The following MYOCD variants were observed in gnomAD, a reference collection of about 807,000 sequenced individuals.
MYOCD encodes the protein myocardin.
Under a neutral mutation model 96.1 loss-of-function variants are expected in MYOCD, and 32 were observed. The observed-to-expected ratio is 0.33, with a 90% CI of 0.25 to 0.45. MYOCD has a LOEUF of 0.45. MYOCD is among the 20% of genes least tolerant of loss of function. MYOCD has a pLI of 1.00. For synonymous variants in MYOCD, 469 were observed against 469.0 expected, an observed-to-expected ratio of 1.00 and a Z score of 0.00; for missense variants, 1,133 against 1,200.6, an observed-to-expected ratio of 0.94 and a Z score of 0.83.
chr17:12,739,288 G>T lies in MYOCD; in HGVS notation c.677G>T (p.Gly226Val). ...TCAGATGCGGGGAAGCAGGGGCTTG[G>T]CCCCCCCAGCACCCCCATAGCCGTG... is the stretch of plus-strand genomic sequence containing the variant. ...HQSDAGKQGL[G>V]PPSTPIAVHA... Residue 226 changes from glycine (G) to valine (V), a missense_variant, in exon 7 of 14, where the codon GGC becomes GTC. Gly to Val is a moderately radical substitution (Grantham distance 109). Coordinates refer to ENST00000425538, the MANE Select transcript of MYOCD (RefSeq NM_001146312.3). 1 of 1,608,130 alleles carries T rather than the reference G, an allele frequency of 6.2e-7. No homozygotes were observed. Among genetic ancestry groups the T allele is most frequent in the Non-Finnish European group, 8.5e-7 (1 of 1,177,602 alleles).
intron 6 of MYOCD, among the ~76,000 whole-genome samples, 191 bp from the exon 7 acceptor site, chr17:12,739,012 C>CAT (rs1385750533): frequency 6.6e-6 from 1 of 151,914 alleles, no homozygotes; most frequent in East Asian, 1.9e-4. Flanking sequence ...TACACATGTA[C>CAT]ATATATATAC....
chr17:12,734,438 C>T (rs2032277047), intron 5 of MYOCD, among the ~76,000 whole-genome samples: 1 of 151,314 alleles, frequency 6.6e-6, no homozygotes, highest in African/African-American at 2.4e-5. Context: ...AACACTTAAC[C>T]CCCTAACCCC....
At chr17:12,741,223 C>G (rs1345283499) in intron 7 of MYOCD, among the ~76,000 whole-genome samples, 4 of 152,282 alleles carry the variant, frequency 2.6e-5, no homozygotes, top group African/African-American at 9.6e-5. Flanking sequence ...CAATAAGGCT[C>G]CCCCACCAAA....
rs4054959 is a variant in MYOCD, at chr17:12,714,323, G to GCACACACACACACACACACACACA, written c.122-1180_122-1157dup. 1.6e-3 allele frequency among the ~76,000 whole-genome samples: 222 copies of GCACACACACACACACACACACACA among 136,124 alleles called. 2 individuals carry two copies. Among genetic ancestry groups the GCACACACACACACACACACACACA allele is most frequent in the Non-Finnish European group, 2.2e-3 (140 of 64,466 alleles). The allele number at this position is 136,124 out of a possible 152,430, so 89.3% of individuals were successfully genotyped here. A position where few individuals can be genotyped will look rare whatever the true frequency, so the allele number is the denominator to read the frequency against. Reference sequence around the variant, plus strand: ...GTCTTAAGGGTTGAATGAGGCACGTGCACACACACACACACACACACACAC... The same window carrying GCACACACACACACACACACACACA: ...GTCTTAAGGGTTGAATGAGGCACGTGCACACACACACACACACACACACACACACACACACACACACACACACAC... On this transcript the variant is annotated intron_variant, in intron 2 of 13. Transcript: ENST00000425538.
chr17:12,751,608 G>A (rs997802746), intron 9 of MYOCD, among the ~76,000 whole-genome samples: 1 of 152,136 alleles, frequency 6.6e-6, no homozygotes, highest in African/African-American at 2.4e-5. Context: ...ACTATTCCAA[G>A]TGCTTTATAC....
chr17:12,755,511 A>C (rs1388749472), intron 10 of MYOCD, among the ~76,000 whole-genome samples: 1 of 151,976 alleles, frequency 6.6e-6, no homozygotes, highest in African/African-American at 2.4e-5. Context: ...TTGGAGGCCA[A>C]GCGAGTGGAT....
rs2032339278 is a variant in MYOCD at position 12,736,267 on chromosome 17, C to T, written c.522C>T (p.Asn174=). The change falls in exon 6 of 14, where the codon AAC becomes AAT. Residue 174 remains asparagine, a synonymous_variant. Coordinates refer to ENST00000425538, the MANE Select transcript of MYOCD (RefSeq NM_001146312.3). ...AGACTCGAAGTGAAGACCCCCAAAA[C>T]TCAGCGGGATCCCCGCCAGACGCTA... ...PDQTRSEDPQ[N]SAGSPPDAKA... is the part of the protein sequence containing the mutation. The T allele has an allele frequency of 1.2e-5, 20 of 1,614,098 alleles. No homozygotes were observed. Among genetic ancestry groups the T allele is most frequent in the Non-Finnish European group, 1.7e-5 (20 of 1,180,040 alleles).
intron 3 of MYOCD, among the ~76,000 whole-genome samples, chr17:12,716,853 G>T (rs931403297): frequency 1.3e-5 from 2 of 151,846 alleles, no homozygotes; most frequent in African/African-American, 4.8e-5. Flanking sequence ...AGCTGGGTTT[G>T]GTGATGCATG....
chr17:12,692,255 G>T (rs570469264), intron 1 of MYOCD, among the ~76,000 whole-genome samples: 80 of 152,214 alleles, frequency 5.3e-4, no homozygotes, highest in Non-Finnish European at 9.6e-4. Flanking sequence ...GTATATGCTT[G>T]CATTCGCATC....
At chr17:12,719,137 C>A (rs74388220) in intron 4 of MYOCD, among the ~76,000 whole-genome samples, 1 of 136,364 alleles carries the variant, frequency 7.3e-6, no homozygotes, top group African/African-American at 2.8e-5. Context: ...ATCGCGCCAC[C>A]GCACTCCAGC....
intron 1 of MYOCD, among the ~76,000 whole-genome samples, chr17:12,670,634 A>G (rs1176187625): frequency 6.6e-6 from 1 of 152,206 alleles, no homozygotes; most frequent in Non-Finnish European, 1.5e-5. Flanking sequence ...CATGATATGT[A>G]ATATTTATGT....
intron 1 of MYOCD, among the ~76,000 whole-genome samples, chr17:12,694,633 C>G (rs1301563336): frequency 6.6e-6 from 1 of 152,102 alleles, no homozygotes; most frequent in African/African-American, 2.4e-5. Context: ...AATGGGCAAC[C>G]TGGTCATACT....
intron 1 of MYOCD, among the ~76,000 whole-genome samples, chr17:12,674,122 A>G (rs531786204): frequency 1.6e-4 from 25 of 152,236 alleles, no homozygotes; most frequent in African/African-American, 5.5e-4. Context: ...GATTATTCCT[A>G]TCTTAGAGAT....
In MYOCD at chr17:12,767,921, G is replaced by A. The variant is rs914972409; in HGVS notation, c.*4277G>A. 6.6e-6 allele frequency: 1 copy of A among 152,048 alleles called. No homozygotes were observed. Among genetic ancestry groups the A allele is most frequent in the African/African-American group, 2.4e-5 (1 of 41,392 alleles). The allele number at this position is 152,048 out of a possible 1,614,324, so 9.4% of individuals were successfully genotyped here. On this transcript the variant is annotated 3_prime_UTR_variant, in exon 14 of 14. Transcript: ENST00000425538. ...AGGGACACTTACTGGTGAGCCTCTG[G>A]CCCTTAAAAGAAAATCATCTAAGAA...
intron 1 of MYOCD, among the ~76,000 whole-genome samples, chr17:12,687,716 C>G (rs74430425): frequency 0.015 from 2,298 of 152,190 alleles, 18 homozygotes; most frequent in South Asian, 0.025. Context: ...CATTCTTTGG[C>G]GCTGAAGAGG....
At chr17:12,713,623 G>A (rs866357112) in intron 2 of MYOCD, among the ~76,000 whole-genome samples, 19 of 152,210 alleles carry the variant, frequency 1.2e-4, no homozygotes, top group Non-Finnish European at 1.6e-4. Context: ...AGATAGGACA[G>A]AGGTATTGAT....
At chr17:12,746,326 C>A (rs1326061465) in intron 9 of MYOCD, among the ~76,000 whole-genome samples, 3 of 152,204 alleles carry the variant, frequency 2.0e-5, no homozygotes, top group Admixed American at 6.5e-5. Context: ...TCTCACAGTT[C>A]TAGAACTGAG....
At chr17:12,689,521 G>C (rs1329278219) in intron 1 of MYOCD, among the ~76,000 whole-genome samples, 2 of 152,154 alleles carry the variant, frequency 1.3e-5, no homozygotes. Flanking sequence ...AGAAATGAAT[G>C]ATATTAGAAC....
intron 1 of MYOCD, among the ~76,000 whole-genome samples, chr17:12,677,670 C>A (rs867187869): frequency 8.6e-5 from 13 of 151,184 alleles, no homozygotes; most frequent in Middle Eastern, 3.2e-3. Flanking sequence ...CGAGATCACG[C>A]CACTGTACTC....
Sources: allele counts gnomAD v4.1 joint callset (sites outside exome capture counted in the v4.1 genomes callset), GRCh38; gene constraint gnomAD v4.1.1; transcripts MANE v1.5; gene names NCBI Gene and HGNC (gene_info 2026-07-23, HGNC 2026-07-21).